The following RAB11FIP3 variants were observed in gnomAD, a reference collection of about 807,000 sequenced individuals.
RAB11FIP3 encodes the protein rab11 family-interacting protein 3.
In RAB11FIP3, 17 loss-of-function variants were observed where a neutral mutation model predicts 77.8. The ratio of observed to expected loss-of-function variants is 0.22; its 90% CI spans 0.15 to 0.33. The LOEUF (loss-of-function observed/expected upper bound fraction) is 0.33. Among genes scored for constraint, RAB11FIP3 ranks in the 10% least tolerant of loss-of-function variants. The probability of loss-of-function intolerance (pLI) is 1.00; values close to 1 mark genes in which losing one functional copy is unlikely to be tolerated. For synonymous variants in RAB11FIP3, 437 were observed against 448.2 expected, an observed-to-expected ratio of 0.98 and a Z score of 0.31; for missense variants, 1,005 against 1,011.2, an observed-to-expected ratio of 0.99 and a Z score of 0.08.
chr16:454,592 A>G (rs1484155957), intron 1 of RAB11FIP3, among the ~76,000 whole-genome samples: 2 of 151,906 alleles, frequency 1.3e-5, no homozygotes, highest in East Asian at 3.9e-4. Flanking sequence ...CCCCAAAAGC[A>G]AAAACCAAAA....
At chr16:520,684 T>C (rs2032646513) in intron 13 of RAB11FIP3, 42 bp from the exon 14 acceptor site, 1 of 1,611,434 alleles carries the variant, frequency 6.2e-7, no homozygotes, top group African/African-American at 1.3e-5. Context: ...CTGTGGCCTG[T>C]GGCCCATGCG....
intron 3 of RAB11FIP3, among the ~76,000 whole-genome samples, chr16:473,932 A>G (rs888140754): frequency 2.0e-5 from 3 of 152,186 alleles, no homozygotes; most frequent in Admixed American, 6.5e-5. Context: ...CCACGGAGCT[A>G]GAACCATCTG....
In RAB11FIP3 at chr16:502,147, G is replaced by C. The variant is rs73496269; in HGVS notation, c.1302-857G>C. On this transcript the variant is annotated intron_variant, in intron 6 of 13. Transcript: ENST00000262305. Reference sequence around the variant, plus strand: ...ACGCACCTTTGCTGTTGGCTCTTCTGTGCGAGTGCTCTGAGAGTTTTCTGT... The same window carrying C: ...ACGCACCTTTGCTGTTGGCTCTTCTCTGCGAGTGCTCTGAGAGTTTTCTGT... Among the ~76,000 whole-genome samples, 1,105 of 152,400 alleles carry C rather than the reference G, an allele frequency of 7.3e-3. 23 individuals are homozygous for C. The highest frequency in any genetic ancestry group is 0.025 in the African/African-American group (1,020 of 41,594).
intron 4 of RAB11FIP3, among the ~76,000 whole-genome samples, chr16:483,609 C>G (rs1173385765): frequency 6.6e-6 from 1 of 152,150 alleles, no homozygotes; most frequent in South Asian, 2.1e-4. Flanking sequence ...CAGAATGGCT[C>G]TACAGGACTG....
chr16:428,812 G>T (rs2054992671), intron 1 of RAB11FIP3, among the ~76,000 whole-genome samples: 1 of 152,114 alleles, frequency 6.6e-6, no homozygotes, highest in African/African-American at 2.4e-5. Context: ...ATCACAATGG[G>T]AAAAACTTTG....
At chr16:485,200 A>G (rs535103516) in intron 4 of RAB11FIP3, among the ~76,000 whole-genome samples, 96 of 152,250 alleles carry the variant, frequency 6.3e-4, no homozygotes, top group African/African-American at 2.2e-3. Context: ...CACGTGGGTC[A>G]GTGAGCGTGG....
chr16:519,031 T>C lies in RAB11FIP3; in HGVS notation c.1722+7T>C, dbSNP rs1460025491. On this transcript the variant is annotated splice_region_variant and intron_variant, in intron 10 of 13. Coordinates refer to ENST00000262305, the MANE Select transcript of RAB11FIP3 (RefSeq NM_014700.4). ...CATTGAGCGTCTGGAGGAGGTGAGC[T>C]GCCAACAGCCTGGAGCTGTGGCCAG... 6.2e-7 allele frequency: 1 copy of C among 1,612,980 alleles called. No individual in the cohort carries two copies. The highest frequency in any genetic ancestry group is 8.5e-7 in the Non-Finnish European group (1 of 1,179,896).
chr16:496,851 G>A lies in RAB11FIP3; in HGVS notation c.1293G>A (p.Lys431=). 1 of 1,591,672 alleles carries A rather than the reference G, an allele frequency of 6.3e-7. No homozygotes were observed. Among genetic ancestry groups the A allele is most frequent in the Non-Finnish European group, 8.6e-7 (1 of 1,159,726 alleles). Residue 431 remains lysine (K), a synonymous_variant, in exon 6 of 14, where the codon AAG becomes AAA. Transcript: ENST00000262305. ...PSPTKRLSSK[K]VARYLHQSGA... is the part of the protein sequence containing the mutation. ...CGACAAAGCGGCTCTCCAGCAAGAAGGTGGCAAGGTAGGTGGGTCTCTGGT... is the reference window on the plus strand; with the variant it reads ...CGACAAAGCGGCTCTCCAGCAAGAAAGTGGCAAGGTAGGTGGGTCTCTGGT...
At chr16:452,561 A>C (rs1224192137) in intron 1 of RAB11FIP3, 1 of 150,086 alleles carries the variant, frequency 6.7e-6, no homozygotes, top group Non-Finnish European at 1.5e-5. Context: ...CAGCATCCCG[A>C]GTAGTTGGGA....
chr16:514,066 G>A lies in RAB11FIP3; in HGVS notation c.1640+3266G>A, dbSNP rs1018174339. Among the ~76,000 whole-genome samples the A allele has an allele frequency of 6.6e-6, 1 of 152,242 alleles. No individual in the cohort carries two copies. The highest frequency in any genetic ancestry group is 2.4e-5 in the African/African-American group (1 of 41,464). On this transcript the variant is annotated intron_variant, in intron 9 of 13. Coordinates refer to ENST00000262305, the MANE Select transcript of RAB11FIP3 (RefSeq NM_014700.4). The surrounding 1 kb of genome is among the most constrained non-coding windows in gnomAD (Gnocchi z 4.6). ...GGGGCACAAGATAGGGGTCTCACGA[G>A]GCCCTCAGGGAGCAAGCAGGGCCCA...
At chr16:489,248 C>G in intron 5 of RAB11FIP3, 1 of 551,988 alleles carries the variant, frequency 1.8e-6, no homozygotes. Context: ...TCCTGTGGCA[C>G]AGAGCTGTGT....
chr16:509,581 G>A (rs568197710), intron 8 of RAB11FIP3, among the ~76,000 whole-genome samples: 5 of 152,372 alleles, frequency 3.3e-5, no homozygotes, highest in Admixed American at 6.5e-5. Context: ...TGTCTCCTGC[G>A]GATGGTTGTG....
chr16:441,990 C>CA (rs2141862695), intron 1 of RAB11FIP3, among the ~76,000 whole-genome samples: 1 of 152,352 alleles, frequency 6.6e-6, no homozygotes, highest in Admixed American at 6.5e-5. Flanking sequence ...AGGCACCCGC[C>CA]ACCACGCCTG....
At chr16:450,664 G>A (rs1261708287) in intron 1 of RAB11FIP3, among the ~76,000 whole-genome samples, 1 of 152,154 alleles carries the variant, frequency 6.6e-6, no homozygotes, top group Non-Finnish European at 1.5e-5. Context: ...TACAGGGAAG[G>A]GACCGAGGAT....
rs2056067978 is a variant in RAB11FIP3 at position 482,616 on chromosome 16, T to C, written c.995T>C (p.Val332Ala). 4 of 1,613,432 alleles carry C rather than the reference T, an allele frequency of 2.5e-6. No individual in the cohort carries two copies. The African/African-American group carries it at 5.3e-5, about 22-fold the overall frequency. The part of the protein sequence containing the change: ...TFTDEDTSTL[V>A]HPELQPEGDA... Reference sequence around the variant, plus strand: ...ACGGACGAGGACACCAGCACCCTGGTGCACCCTGAGCTGCAACCTGAAGGG... The same window carrying C: ...ACGGACGAGGACACCAGCACCCTGGCGCACCCTGAGCTGCAACCTGAAGGG... The change falls in exon 4 of 14, where the codon GTG becomes GCG. Residue 332 changes from valine (V) to alanine (A), a missense_variant. Physicochemically the swap from Val to Ala is moderately conservative, Grantham distance 64 (BLOSUM62 0). This residue lies in a region of RAB11FIP3 where 433 missense variants were observed against 436.1 expected (regional missense o/e 0.99). Coordinates refer to ENST00000262305, the MANE Select transcript of RAB11FIP3 (RefSeq NM_014700.4).
At chr16:503,696 A>G (rs1045859481) in intron 7 of RAB11FIP3, among the ~76,000 whole-genome samples, 4 of 152,048 alleles carry the variant, frequency 2.6e-5, no homozygotes, top group Non-Finnish European at 5.9e-5. Context: ...CCTGGCCAAC[A>G]TAGTGAAAAC....
Position 505,496 on chromosome 16 carries a change from G to C in RAB11FIP3, c.1396-28G>C. On this transcript the variant is annotated intron_variant, in intron 7 of 13. Transcript: ENST00000262305. This position sits in a 1 kb window ranked among gnomAD's most constrained non-coding sequence, Gnocchi z 4.0. ...CAGGCCCTTCTGCTTCTGGCTGCCT[G>C]ACCCTGAAGCCTGGTCTCATTGCCA... 6.3e-7 allele frequency: 1 copy of C among 1,581,796 alleles called. No individual in the cohort carries two copies. Among genetic ancestry groups the C allele is most frequent in the Non-Finnish European group, 8.6e-7 (1 of 1,163,270 alleles).
intron 5 of RAB11FIP3, among the ~76,000 whole-genome samples, chr16:492,363 T>TC (rs910348348): frequency 1.8e-4 from 14 of 76,230 alleles, no homozygotes; most frequent in African/African-American, 3.8e-4. Flanking sequence ...AAGAGGGTCT[T>TC]CCCGGGAGAC....
chr16:450,479 C>G, intron 1 of RAB11FIP3, among the ~76,000 whole-genome samples: 1 of 152,212 alleles, frequency 6.6e-6, no homozygotes, highest in East Asian at 1.9e-4. Flanking sequence ...CACGCCCAAC[C>G]AAGTATTGGA....
Sources: gnomAD v4.1 joint callset for allele counts (sites outside exome capture counted in the v4.1 genomes callset) on GRCh38, gnomAD v4.1.1 for gene constraint, gnomAD v4.1.1 regional missense constraint, Gnocchi (gnomAD v3.1) non-coding constraint, MANE v1.5 for transcripts, NCBI Gene and HGNC (gene_info 2026-07-23, HGNC 2026-07-21) for gene names.